The following VPS45 variants were observed in gnomAD, a reference collection of about 807,000 sequenced individuals.
The protein encoded by VPS45 is vacuolar protein sorting 45 homolog.
In VPS45, 35 loss-of-function variants were observed where a neutral mutation model predicts 75.9. The ratio of observed to expected loss-of-function variants is 0.46; its 90% CI spans 0.35 to 0.61. The LOEUF (loss-of-function observed/expected upper bound fraction) is 0.61, where lower values mean the gene tolerates loss of function less well. Ranked by LOEUF, VPS45 falls within the 20% of genes least tolerant of loss-of-function variation. The probability of loss-of-function intolerance (pLI) is 0.00; values close to 1 mark genes in which losing one functional copy is unlikely to be tolerated. For missense variants in VPS45, 559 were observed against 685.9 expected (o/e 0.81, Z 2.07); for synonymous variants, 220 against 238.2 (o/e 0.92, Z 0.70).
intron 7 of VPS45, among the ~76,000 whole-genome samples, chr1:150,079,388 G>A (rs931503304): frequency 6.6e-6 from 1 of 152,066 alleles, no homozygotes; most frequent in Admixed American, 6.6e-5. Context: ...CATAGCGGGT[G>A]CTCTATTAAT....
chr1:150,068,786 C>A, intron 2 of VPS45, 22 bp downstream of exon 2: 1 of 1,581,150 alleles, frequency 6.3e-7, no homozygotes, highest in Non-Finnish European at 8.6e-7. Flanking sequence ...ACTGAGCTTC[C>A]ATCTGCCCAG....
chr1:150,123,465 A>C (rs896948699), intron 14 of VPS45, among the ~76,000 whole-genome samples: 7 of 152,212 alleles, frequency 4.6e-5, no homozygotes, highest in African/African-American at 1.4e-4. Flanking sequence ...TTATTATAAA[A>C]ATGCAAATTT....
At position 150,119,217 on chromosome 1, in the gene VPS45, A is replaced by G. The variant is rs1571893437; in HGVS notation, c.1625+8590A>G. Among the ~76,000 whole-genome samples, 3 of 152,234 alleles carry G rather than the reference A, an allele frequency of 2.0e-5. No individual in the cohort carries two copies. In the South Asian group the frequency reaches 6.2e-4, roughly 32 times the overall value. On this transcript the variant is annotated intron_variant, in intron 14 of 14. Transcript: ENST00000644510. ...TACCTTGGGTATTACTAACATATTT[A>G]GTAAGTTTACAACTCTTAATACATA...
chr1:150,099,583 C>T (rs1324926901), intron 13 of VPS45, among the ~76,000 whole-genome samples: 1 of 151,630 alleles, frequency 6.6e-6, no homozygotes, highest in Non-Finnish European at 1.5e-5. Context: ...CATCTATTCC[C>T]AGTATTCTGG....
rs191728819 is a variant in VPS45, at chr1:150,098,587, G to A, written c.1493+4939G>A. ...TTGAAAAGAGTCCTTGATTATAGTG[G>A]TATTTATTATTATTTGTCTCATCAT... is the stretch of plus-strand genomic sequence containing the variant. On this transcript the variant is annotated intron_variant, in intron 13 of 14. Transcript: ENST00000644510. 2.6e-5 allele frequency among the ~76,000 whole-genome samples: 4 copies of A among 152,166 alleles called. No individual in the cohort carries two copies. In the East Asian group the frequency reaches 7.7e-4, roughly 29 times the overall value.
At chr1:150,136,049 G>A (rs1221415684) in intron 14 of VPS45, among the ~76,000 whole-genome samples, 2 of 150,526 alleles carry the variant, frequency 1.3e-5, no homozygotes, top group Admixed American at 1.3e-4. Flanking sequence ...AGGTGTTCAA[G>A]ACCAGCTTGA....
At position 150,067,912 on chromosome 1, in the gene VPS45, G is replaced by A. The variant is rs782653921; in HGVS notation, c.55G>A (p.Gly19Arg). 6.2e-7 allele frequency: 1 copy of A among 1,614,218 alleles called. No homozygotes were observed. Among genetic ancestry groups the A allele is most frequent in the East Asian group, 2.2e-5 (1 of 44,892 alleles). ...QYISKMIEDS[G>R]PGMKVLLMDK... ...CATTTCCAAAATGATAGAGGACAGC[G>A]GGCCTGGTATGAAAGTACTTCTCAT... is the stretch of plus-strand genomic sequence containing the variant. Residue 19 changes from glycine to arginine, a missense_variant, in exon 1 of 15, where the codon GGG becomes AGG. Transcript: ENST00000644510.
At chr1:150,082,272 C>T (rs1375794127) in intron 9 of VPS45, among the ~76,000 whole-genome samples, 1 of 152,014 alleles carries the variant, frequency 6.6e-6, no homozygotes, top group Admixed American at 6.6e-5. Flanking sequence ...TTTGGGAGGC[C>T]GAGGCGGGTG....
chr1:150,102,647 G>A (rs112814713), intron 13 of VPS45, among the ~76,000 whole-genome samples: 16,082 of 151,886 alleles, frequency 0.11, 1,194 homozygotes, highest in Non-Finnish European at 0.16. Flanking sequence ...TGACAGACTG[G>A]ATAAGGAAAA....
chr1:150,107,941 C>G (rs1657422364), intron 13 of VPS45, among the ~76,000 whole-genome samples: 1 of 152,040 alleles, frequency 6.6e-6, no homozygotes, highest in Non-Finnish European at 1.5e-5. Flanking sequence ...CTGTGAGAAC[C>G]CCATGACCTG....
At chr1:150,113,986 T>C (rs1455674135) in intron 14 of VPS45, among the ~76,000 whole-genome samples, 1 of 152,212 alleles carries the variant, frequency 6.6e-6, no homozygotes, top group African/African-American at 2.4e-5. Flanking sequence ...ATTAAAATGT[T>C]TTAACTGTAA....
At position 150,144,933 on chromosome 1, in the gene VPS45, G is replaced by A. The variant is rs587748728; in HGVS notation, c.*137G>A. ...TCATCTCCAGGTAGCCCACGGATACGTGGTTGGCACAGACACAAGACTCCC... is the reference window on the plus strand; with the variant it reads ...TCATCTCCAGGTAGCCCACGGATACATGGTTGGCACAGACACAAGACTCCC... On this transcript the variant is annotated 3_prime_UTR_variant, in exon 15 of 15. Transcript: ENST00000644510. 2.2e-5 allele frequency: 34 copies of A among 1,542,722 alleles called. No individual in the cohort carries two copies. The Admixed American group carries it at 2.5e-4, about 12-fold the overall frequency.
At chr1:150,067,719 C>A, upstream of VPS45, 1 of 788,638 alleles carries the variant, frequency 1.3e-6, no homozygotes, top group Non-Finnish European at 2.1e-6. Flanking sequence ...CTACAACTCC[C>A]AGCACCGTGG....
At chr1:150,115,415 T>C (rs587635761) in intron 14 of VPS45, among the ~76,000 whole-genome samples, 2 of 152,342 alleles carry the variant, frequency 1.3e-5, no homozygotes, top group Admixed American at 1.3e-4. Context: ...GTTAGTATCC[T>C]CTTTTTTTCT....
intron 14 of VPS45, among the ~76,000 whole-genome samples, chr1:150,110,913 C>A (rs1221537902): frequency 3.3e-5 from 5 of 152,000 alleles, no homozygotes; most frequent in Non-Finnish European, 7.4e-5. Flanking sequence ...AAGGAGAAAC[C>A]CTTGGACCTA....
intron 2 of VPS45, among the ~76,000 whole-genome samples, chr1:150,070,797 G>A (rs1267109495): frequency 6.6e-6 from 1 of 151,790 alleles, no homozygotes; most frequent in African/African-American, 2.4e-5. Context: ...GACAGAGCAA[G>A]ACTCCGTCTC....
Position 150,130,198 on chromosome 1 carries a change from CTTT to C in VPS45, c.1626-14493_1626-14491del, listed in dbSNP as rs34302545. On this transcript the variant is annotated intron_variant, in intron 14 of 14. Coordinates refer to ENST00000644510, the MANE Select transcript of VPS45 (RefSeq NM_007259.5). ...TATCTATATATAATACACACACACACTTTTTTTTTTTTTTTTTTTTGAGAGACA... is the reference window on the plus strand; with the variant it reads ...TATCTATATATAATACACACACACACTTTTTTTTTTTTTTTTTGAGAGACA... Among the ~76,000 whole-genome samples the C allele has an allele frequency of 8.1e-5, 7 of 86,330 alleles. No homozygotes were observed. The East Asian group carries it at 1.9e-3, about 24-fold the overall frequency. The allele number at this position is 86,330 out of a possible 152,430, so 56.6% of individuals were successfully genotyped here.
chr1:150,071,145 G>A (rs1258641374), intron 2 of VPS45, among the ~76,000 whole-genome samples: 3 of 151,756 alleles, frequency 2.0e-5, no homozygotes, highest in Admixed American at 1.3e-4. Context: ...AAAGAAATGT[G>A]ATTTTTAAAA....
At chr1:150,101,342 A>G (rs1177678567) in intron 13 of VPS45, among the ~76,000 whole-genome samples, 1 of 152,078 alleles carries the variant, frequency 6.6e-6, no homozygotes, top group Non-Finnish European at 1.5e-5. Flanking sequence ...GCCAACAAGC[A>G]TATGAAAAAA....
Sources: allele counts gnomAD v4.1 joint callset (sites outside exome capture counted in the v4.1 genomes callset), GRCh38; gene constraint gnomAD v4.1.1; transcripts MANE v1.5; gene names NCBI Gene and HGNC (gene_info 2026-07-23, HGNC 2026-07-21).